The following SORCS2 variants were observed in gnomAD, a reference collection of about 807,000 sequenced individuals.
SORCS2 encodes sortilin related VPS10 domain containing receptor 2.
SORCS2 carries 100 observed loss-of-function variants against 141.6 expected under a neutral mutation model. The observed-to-expected ratio is 0.71, with a 90% CI of 0.60 to 0.83. The LOEUF (loss-of-function observed/expected upper bound fraction) is 0.83, where lower values mean the gene tolerates loss of function less well. Among genes scored for constraint, SORCS2 ranks in the 40% least tolerant of loss-of-function variants. The probability of loss-of-function intolerance (pLI) is 0.00; values close to 1 mark genes in which losing one functional copy is unlikely to be tolerated. For synonymous variants in SORCS2, 789 were observed against 676.9 expected, an observed-to-expected ratio of 1.17 and a Z score of -2.57; for missense variants, 1,646 against 1,560.2, an observed-to-expected ratio of 1.05 and a Z score of -0.93.
intron 3 of SORCS2, among the ~76,000 whole-genome samples, chr4:7,545,357 G>T (rs1284649631): frequency 6.6e-6 from 1 of 152,160 alleles, no homozygotes; most frequent in Non-Finnish European, 1.5e-5. Context: ...GGAGCTCCAG[G>T]CCTCTTCCTC....
At chr4:7,465,142 C>T (rs2109332834) in intron 2 of SORCS2, among the ~76,000 whole-genome samples, 1 of 152,308 alleles carries the variant, frequency 6.6e-6, no homozygotes, top group Admixed American at 6.5e-5. Context: ...GAAAGAAGGC[C>T]CAGGATGCTC....
intron 2 of SORCS2, among the ~76,000 whole-genome samples, chr4:7,422,748 G>A (rs1309795366): frequency 1.3e-5 from 2 of 152,050 alleles, no homozygotes; most frequent in Admixed American, 1.3e-4. Context: ...TCGCCTGGAC[G>A]CCACAACCCA....
At chr4:7,398,226 C>G (rs190829827) in intron 2 of SORCS2, among the ~76,000 whole-genome samples, 1 of 152,260 alleles carries the variant, frequency 6.6e-6, no homozygotes, top group African/African-American at 2.4e-5. Flanking sequence ...CTTACAGGCT[C>G]CAGACAGGAT....
At chr4:7,557,537 A>T (rs997327392) in intron 3 of SORCS2, among the ~76,000 whole-genome samples, 1 of 152,246 alleles carries the variant, frequency 6.6e-6, no homozygotes, top group Non-Finnish European at 1.5e-5. Flanking sequence ...TGAATAACCA[A>T]CTATGGAGAC....
chr4:7,447,703 G>A (rs563776196), intron 2 of SORCS2, among the ~76,000 whole-genome samples: 22 of 152,262 alleles, frequency 1.4e-4, no homozygotes, highest in South Asian at 6.2e-4. Flanking sequence ...GGACAGGCTC[G>A]GGGCAGGACC....
intron 2 of SORCS2, among the ~76,000 whole-genome samples, chr4:7,451,224 A>C (rs763133455): frequency 6.6e-6 from 1 of 152,218 alleles, no homozygotes; most frequent in Non-Finnish European, 1.5e-5. Flanking sequence ...GAATGAATGA[A>C]TAAATGAGTA....
At chr4:7,600,259 C>G (rs530681729) in intron 3 of SORCS2, among the ~76,000 whole-genome samples, 1 of 152,174 alleles carries the variant, frequency 6.6e-6, no homozygotes. Flanking sequence ...AAACAACACG[C>G]ATTTATCTTA....
chr4:7,724,480 G>GTGATGGTGATGGTGGTGATGA (rs1726923165), intron 19 of SORCS2, among the ~76,000 whole-genome samples: 2 of 71,388 alleles, frequency 2.8e-5, no homozygotes, highest in Non-Finnish European at 6.3e-5. Flanking sequence ...GGTGATGGTG[G>GTGATGGTGATGGTGGTGATGA]TGATGGTGGT....
intron 1 of SORCS2, among the ~76,000 whole-genome samples, chr4:7,312,671 T>C (rs1393063174): frequency 6.6e-6 from 1 of 152,122 alleles, no homozygotes; most frequent in Non-Finnish European, 1.5e-5. Context: ...AGGGCTCCTG[T>C]CCATTACCTT....
intron 3 of SORCS2, among the ~76,000 whole-genome samples, chr4:7,588,598 C>T (rs1329380153): frequency 2.6e-5 from 4 of 152,110 alleles, no homozygotes; most frequent in African/African-American, 7.2e-5. Context: ...AGGGGAATCA[C>T]GTGGGCTGGC....
chr4:7,243,066 C>T (rs987175207), intron 1 of SORCS2, among the ~76,000 whole-genome samples: 9 of 152,114 alleles, frequency 5.9e-5, no homozygotes, highest in Non-Finnish European at 1.3e-4. Flanking sequence ...GTTGGCTCGG[C>T]GCCCTGGTGA....
At chr4:7,303,108 A>G (rs1007884702) in intron 1 of SORCS2, among the ~76,000 whole-genome samples, 2 of 152,166 alleles carry the variant, frequency 1.3e-5, no homozygotes, top group Admixed American at 6.5e-5. Context: ...ACGAGGTAAT[A>G]AAAAGCAAAC....
rs547360248 is a variant in SORCS2, at chr4:7,642,770, T to C, written c.813+4278T>C. ...TGCTGGGCTTTGCTGCGATTGGCTA[T>C]ATGAGGCTCCTGGTTACTGGTGGAG... is the stretch of plus-strand genomic sequence containing the variant. On this transcript the variant is annotated intron_variant, in intron 4 of 26. Coordinates refer to ENST00000507866, the MANE Select transcript of SORCS2 (RefSeq NM_020777.3). Among the ~76,000 whole-genome samples, 47 of 152,306 alleles carry C rather than the reference T, an allele frequency of 3.1e-4. No individual in the cohort carries two copies. In the South Asian group the frequency reaches 8.3e-3, roughly 27 times the overall value.
chr4:7,471,298 C>T (rs954525403), intron 2 of SORCS2, among the ~76,000 whole-genome samples: 1 of 152,240 alleles, frequency 6.6e-6, no homozygotes, highest in Admixed American at 6.5e-5. Context: ...TCTCAAAGGG[C>T]AATGTTGTGG....
chr4:7,613,642 T>C (rs1473409984), intron 3 of SORCS2, among the ~76,000 whole-genome samples: 1 of 152,120 alleles, frequency 6.6e-6, no homozygotes, highest in Non-Finnish European at 1.5e-5. Context: ...CTTGTGGAGA[T>C]ATCTCCCACA....
At chr4:7,619,862 A>G (rs1370061611) in intron 3 of SORCS2, among the ~76,000 whole-genome samples, 2 of 152,004 alleles carry the variant, frequency 1.3e-5, no homozygotes, top group African/African-American at 4.8e-5. Flanking sequence ...TGCGTGTGTG[A>G]CGTGAAACGC....
intron 1 of SORCS2, among the ~76,000 whole-genome samples, chr4:7,315,805 G>A (rs1384981059): frequency 2.0e-5 from 3 of 152,304 alleles, no homozygotes; most frequent in Admixed American, 1.3e-4. Context: ...GTGACTAGCT[G>A]TGGGCTCCAT....
At chr4:7,429,138 G>A (rs1156769729) in intron 2 of SORCS2, among the ~76,000 whole-genome samples, 3 of 152,168 alleles carry the variant, frequency 2.0e-5, no homozygotes, top group African/African-American at 4.8e-5. Flanking sequence ...AGGCACATGC[G>A]TGAGTGTGTG....
At chr4:7,314,768 A>T (rs935342397) in intron 1 of SORCS2, among the ~76,000 whole-genome samples, 1 of 147,310 alleles carries the variant, frequency 6.8e-6, no homozygotes, top group Admixed American at 6.8e-5. Context: ...CCCAGGGCAT[A>T]GCCGGGCTCC....
Sources: allele counts gnomAD v4.1 joint callset (sites outside exome capture counted in the v4.1 genomes callset), GRCh38; gene constraint gnomAD v4.1.1; transcripts MANE v1.5; gene names NCBI Gene and HGNC (gene_info 2026-07-23, HGNC 2026-07-21).